The following DCAF5 variants were observed in gnomAD, a reference collection of about 807,000 sequenced individuals.
The protein encoded by DCAF5 is DDB1 and CUL4 associated factor 5.
DCAF5 carries 9 observed loss-of-function variants against 80.7 expected under a neutral mutation model. That is an observed-to-expected ratio of 0.11 (90% CI 0.07 to 0.19). The LOEUF is 0.19. Among genes scored for constraint, DCAF5 ranks in the 10% least tolerant of loss-of-function variants. The pLI, the probability that DCAF5 is intolerant of heterozygous loss-of-function variation, is 1.00. For missense variants in DCAF5, 842 were observed against 1,205.7 expected (o/e 0.70, Z 4.47); for synonymous variants, 433 against 461.9 (o/e 0.94, Z 0.80).
intron 8 of DCAF5, 111 bp downstream of exon 8, chr14:69,062,273 G>A (rs2038244109): frequency 1.1e-5 from 13 of 1,156,056 alleles, no homozygotes; most frequent in Non-Finnish European, 2.4e-6. Context: ...TGAGAATTCT[G>A]ATAGACCTTT....
intron 5 of DCAF5, among the ~76,000 whole-genome samples, chr14:69,111,324 T>C (rs952127696): frequency 1.3e-5 from 2 of 152,160 alleles, no homozygotes; most frequent in African/African-American, 4.8e-5. Context: ...AATTTCCCGA[T>C]AGTAGGAACT....
intron 7 of DCAF5, among the ~76,000 whole-genome samples, 165 bp from the exon 8 acceptor site, chr14:69,062,676 T>C (rs1261336744): frequency 5.9e-5 from 9 of 152,178 alleles, no homozygotes; most frequent in African/African-American, 2.2e-4. Context: ...AGAGAGAAGA[T>C]GAAACAGCTC....
chr14:69,079,675 A>G (rs1275286398), intron 6 of DCAF5, among the ~76,000 whole-genome samples: 1 of 152,176 alleles, frequency 6.6e-6, no homozygotes, highest in Non-Finnish European at 1.5e-5. Flanking sequence ...ATATTTATTG[A>G]ATGTCTAATA....
At chr14:69,060,723 G>A (rs2038178579) in intron 8 of DCAF5, among the ~76,000 whole-genome samples, 1 of 151,968 alleles carries the variant, frequency 6.6e-6, no homozygotes, top group Admixed American at 6.6e-5. Flanking sequence ...GTAGAGACAG[G>A]GTTTCACCAT....
intron 5 of DCAF5, 145 bp from the exon 6 acceptor site, chr14:69,092,032 G>A: frequency 1.5e-6 from 1 of 645,530 alleles, no homozygotes; most frequent in Non-Finnish European, 2.6e-6. Context: ...AGAATAATGA[G>A]GGTAGCAACG....
chr14:69,129,377 T>C (rs1318010405), intron 1 of DCAF5, among the ~76,000 whole-genome samples: 1 of 152,188 alleles, frequency 6.6e-6, no homozygotes, highest in African/African-American at 2.4e-5. Flanking sequence ...TCTTCAAGTA[T>C]GCGTTGGCAG....
chr14:69,112,594 T>TAC (rs3044674), intron 5 of DCAF5, among the ~76,000 whole-genome samples: 11,125 of 145,146 alleles, frequency 0.077, 402 homozygotes, highest in African/African-American at 0.1. Context: ...TATATATGTA[T>TAC]ACACACACAC....
rs1158985048 is a variant in DCAF5 at position 69,054,881 on chromosome 14, G to T, written c.1805C>A (p.Pro602Gln). ...AATGTAAGTGTTGGTGGGCTTGATT[G>T]GGGCACTGGGCTTGTCTTCTCGGGT... ...KTTREDKPSA[P>Q]IKPTNTYIGE... Residue 602 changes from proline to glutamine, a missense_variant, in exon 9 of 9, where the codon CCA (proline) becomes CAA (glutamine). By Grantham distance (76) the Pro-to-Gln change is moderately conservative. Transcript: ENST00000341516. 2 of 1,614,148 alleles carry T rather than the reference G, an allele frequency of 1.2e-6. No individual in the cohort carries two copies. Among genetic ancestry groups the T allele is most frequent in the Admixed American group, 1.7e-5 (1 of 60,018 alleles).
intron 1 of DCAF5, among the ~76,000 whole-genome samples, chr14:69,130,036 A>G (rs1181214070): frequency 6.6e-6 from 1 of 152,218 alleles, no homozygotes. Context: ...TTTATACTTA[A>G]AGAGTACCCT....
chr14:69,067,531 G>C (rs113659323), intron 7 of DCAF5, among the ~76,000 whole-genome samples: 4 of 151,856 alleles, frequency 2.6e-5, no homozygotes, highest in African/African-American at 9.7e-5. Flanking sequence ...TTTTTGTAGA[G>C]ATGGGGTTTT....
Position 69,116,545 on chromosome 14 carries a change from C to G in DCAF5, c.536-50G>C, listed in dbSNP as rs1404316544. Reference sequence around the variant, plus strand: ...GTTCACTCCAGGTACCTGTGGGCCACTGGCAGGCAGATAATCAGGAATGTG... The same window carrying G: ...GTTCACTCCAGGTACCTGTGGGCCAGTGGCAGGCAGATAATCAGGAATGTG... On this transcript the variant is annotated intron_variant, in intron 4 of 8. Coordinates refer to ENST00000341516, the MANE Select transcript of DCAF5 (RefSeq NM_003861.3). The G allele has an allele frequency of 7.5e-6, 12 of 1,589,946 alleles. No individual in the cohort carries two copies. The East Asian group carries it at 2.7e-4, about 36-fold the overall frequency.
chr14:69,103,448 T>C (rs992372280), intron 5 of DCAF5, among the ~76,000 whole-genome samples: 1 of 152,204 alleles, frequency 6.6e-6, no homozygotes, highest in East Asian at 1.9e-4. Context: ...GAAATAATTA[T>C]AGATTCAGAG....
intron 1 of DCAF5, among the ~76,000 whole-genome samples, chr14:69,148,600 CAGG>C (rs879618745): frequency 2.0e-5 from 3 of 152,124 alleles, no homozygotes; most frequent in African/African-American, 4.8e-5. Flanking sequence ...GAGGCTGAGG[CAGG>C]AGACTTGCTT....
chr14:69,090,996 C>T lies in DCAF5; in HGVS notation c.879+678G>A, dbSNP rs939542825. The T allele has an allele frequency of 4.7e-5, 33 of 697,134 alleles. No individual in the cohort carries two copies. The South Asian group carries it at 4.9e-4, about 10-fold the overall frequency. The allele number at this position is 697,134 out of a possible 1,614,324, so 43.2% of individuals were successfully genotyped here. A position where few individuals can be genotyped will look rare whatever the true frequency, so the allele number is the denominator to read the frequency against. ...TGACCCAGATTAGCCCAACTGGTCA[C>T]TGACACTTCAGAACTTCTATGGTTA... On this transcript the variant is annotated intron_variant, in intron 6 of 8. Coordinates refer to ENST00000341516, the MANE Select transcript of DCAF5 (RefSeq NM_003861.3).
chr14:69,076,278 T>G (rs2038895237), intron 6 of DCAF5, among the ~76,000 whole-genome samples: 1 of 152,196 alleles, frequency 6.6e-6, no homozygotes, highest in Admixed American at 6.5e-5. Flanking sequence ...ATGCAGCAAT[T>G]ACAATCCTAG....
At chr14:69,068,900 T>C (rs1026633470) in intron 7 of DCAF5, among the ~76,000 whole-genome samples, 3 of 152,134 alleles carry the variant, frequency 2.0e-5, no homozygotes, top group Non-Finnish European at 2.9e-5. Flanking sequence ...GGAGACCACA[T>C]AACTACTTAA....
In DCAF5 at chr14:69,051,306, T is replaced by C. The variant is rs938991999; in HGVS notation, c.*2551A>G. ...ATTATGGAAGAAATTGGGTATTAAATGTGCCATCAAAGTTGGGGCCTCAAT... is the reference window on the plus strand; with the variant it reads ...ATTATGGAAGAAATTGGGTATTAAACGTGCCATCAAAGTTGGGGCCTCAAT... On this transcript the variant is annotated 3_prime_UTR_variant, in exon 9 of 9. Transcript: ENST00000341516. 1.3e-5 allele frequency: 2 copies of C among 152,660 alleles called. No individual in the cohort carries two copies. Among genetic ancestry groups the C allele is most frequent in the South Asian group, 4.1e-4 (2 of 4,828 alleles). The allele number at this position is 152,660 out of a possible 1,614,324, so 9.5% of individuals were successfully genotyped here.
Position 69,097,594 on chromosome 14 carries a change from T to A in DCAF5, c.666-5707A>T, listed in dbSNP as rs965343681. Among the ~76,000 whole-genome samples the A allele has an allele frequency of 1.4e-4, 21 of 148,174 alleles. No homozygotes were observed. The South Asian group carries it at 2.1e-3, about 15-fold the overall frequency. ...TATTATTATTATTATTTTTTTTTTT[T>A]TTTTTTTTTTGAGACAGGGTCTCAC... On this transcript the variant is annotated intron_variant, in intron 5 of 8. Coordinates refer to ENST00000341516, the MANE Select transcript of DCAF5 (RefSeq NM_003861.3).
intron 1 of DCAF5, among the ~76,000 whole-genome samples, chr14:69,143,544 T>G (rs1292025361): frequency 6.8e-6 from 1 of 147,910 alleles, no homozygotes; most frequent in Admixed American, 6.9e-5. Context: ...ATTTAAAAAA[T>G]CTGTTAAACT....
Sources: allele counts gnomAD v4.1 joint callset (sites outside exome capture counted in the v4.1 genomes callset), GRCh38; gene constraint gnomAD v4.1.1; transcripts MANE v1.5; gene names NCBI Gene and HGNC (gene_info 2026-07-23, HGNC 2026-07-21).